SMAD6: variants seen among roughly 807,000 people sequenced by gnomAD.
SMAD6 encodes the protein SMAD family member 6.
A neutral mutation model predicts 39.4 loss-of-function variants in SMAD6; 103 were observed. The observed-to-expected ratio is 2.62, with a 90% CI of 2.23 to 3.08. The LOEUF (loss-of-function observed/expected upper bound fraction) is 3.08, where lower values mean the gene tolerates loss of function less well. Ranked by LOEUF, SMAD6 falls within the 30% of genes most tolerant of loss-of-function variation. The pLI, the probability that SMAD6 is intolerant of heterozygous loss-of-function variation, is 0.00. For missense variants in SMAD6, 1,104 were observed against 742.9 expected, an observed-to-expected ratio of 1.49 and a Z score of -5.65; for synonymous variants, 445 against 353.3, an observed-to-expected ratio of 1.26 and a Z score of -2.91.
At chr15:66,725,620 G>C (rs1281820999) in intron 3 of SMAD6, among the ~76,000 whole-genome samples, 1 of 152,192 alleles carries the variant, frequency 6.6e-6, no homozygotes, top group Non-Finnish European at 1.5e-5. Context: ...TGGGCTGGGA[G>C]GCCTTCCATG....
chr15:66,735,019 G>A lies in SMAD6; in HGVS notation c.952+18521G>A, dbSNP rs144617034. On this transcript the variant is annotated intron_variant, in intron 3 of 3. Transcript: ENST00000288840. Reference sequence around the variant, plus strand: ...CCAGGGTCCCAGCAGAAGGGTGTGCGGGGGCTGTGGCCAGCAGAATAGCCA... The same window carrying A: ...CCAGGGTCCCAGCAGAAGGGTGTGCAGGGGCTGTGGCCAGCAGAATAGCCA... Among the ~76,000 whole-genome samples, 1,267 of 152,330 alleles carry A rather than the reference G, an allele frequency of 8.3e-3. 10 individuals carry two copies. Among genetic ancestry groups the A allele is most frequent in the South Asian group, 0.014 (67 of 4,824 alleles).
chr15:66,727,137 A>G (rs1339293793), intron 3 of SMAD6, among the ~76,000 whole-genome samples: 2 of 145,532 alleles, frequency 1.4e-5, no homozygotes, highest in Non-Finnish European at 1.5e-5. Flanking sequence ...CTCACTCACC[A>G]TGTCACCCAG....
intron 3 of SMAD6, among the ~76,000 whole-genome samples, chr15:66,772,852 C>A (rs1045624353): frequency 6.6e-6 from 1 of 152,188 alleles, no homozygotes; most frequent in East Asian, 1.9e-4. Flanking sequence ...CCAGCTGTGT[C>A]GCTCATTTCC....
intron 3 of SMAD6, among the ~76,000 whole-genome samples, chr15:66,735,483 G>A (rs981160439): frequency 9.9e-5 from 15 of 152,234 alleles, no homozygotes; most frequent in Non-Finnish European, 2.2e-4. Context: ...GATGAAGCAA[G>A]TGTGGCAAAA....
chr15:66,713,347 T>A (rs1893267326), intron 2 of SMAD6, among the ~76,000 whole-genome samples: 1 of 151,990 alleles, frequency 6.6e-6, no homozygotes, highest in South Asian at 2.1e-4. Flanking sequence ...TGAGATGGAG[T>A]CTCGCTCTGT....
At chr15:66,709,878 C>T (rs901938146) in intron 1 of SMAD6, among the ~76,000 whole-genome samples, 2 of 152,250 alleles carry the variant, frequency 1.3e-5, no homozygotes, top group African/African-American at 2.4e-5. Context: ...TCACTCAAGG[C>T]TGGCCTCTAG....
chr15:66,716,263 G>A (rs992645145), intron 2 of SMAD6, among the ~76,000 whole-genome samples, 158 bp from the exon 3 acceptor site: 2 of 152,156 alleles, frequency 1.3e-5, no homozygotes, highest in Non-Finnish European at 2.9e-5. Context: ...TCCTGAGATG[G>A]GGTTACAGGG....
intron 3 of SMAD6, among the ~76,000 whole-genome samples, chr15:66,752,085 A>G (rs1220551538): frequency 7.7e-6 from 1 of 129,632 alleles, no homozygotes; most frequent in Non-Finnish European, 1.6e-5. Context: ...CCAGCTTTTC[A>G]GTTGCTCCTC....
In SMAD6 at chr15:66,781,458, T is replaced by TG. The variant is rs1894573824; in HGVS notation, c.1419dup (p.Pro474AlafsTer91). 1 of 1,603,410 alleles carries TG rather than the reference T, an allele frequency of 6.2e-7. No individual in the cohort carries two copies. Among genetic ancestry groups the TG allele is most frequent in the Admixed American group, 1.7e-5 (1 of 59,598 alleles). Reference sequence around the variant, plus strand: ...CGTCCGCATCAGCTTCGCCAAGGGCTGGGGGCCCTGCTACTCCCGGCAGTT... The same window carrying TG: ...CGTCCGCATCAGCTTCGCCAAGGGCTGGGGGGCCCTGCTACTCCCGGCAGTT... On this transcript the variant is annotated frameshift_variant, in exon 4 of 4. Transcript: ENST00000288840. LOFTEE classifies it high-confidence loss of function.
At chr15:66,753,429 C>A (rs1894042249) in intron 3 of SMAD6, among the ~76,000 whole-genome samples, 1 of 152,238 alleles carries the variant, frequency 6.6e-6, no homozygotes, top group South Asian at 2.1e-4. Flanking sequence ...CTCAGCACTG[C>A]TGCTCTAGGC....
chr15:66,757,477 G>A (rs576171128), intron 3 of SMAD6, among the ~76,000 whole-genome samples: 1 of 152,334 alleles, frequency 6.6e-6, no homozygotes, highest in East Asian at 1.9e-4. Flanking sequence ...GCCCAGAGAT[G>A]GTGTGGGGCT....
intron 1 of SMAD6, chr15:66,707,321 A>C (rs1893135142): frequency 6.6e-6 from 1 of 151,556 alleles, no homozygotes; most frequent in Admixed American, 6.6e-5. Flanking sequence ...ACTATTATCC[A>C]AATTGCGCCC....
At position 66,702,394 on chromosome 15, in the gene SMAD6, C is replaced by T. The variant is rs1256778805; in HGVS notation, c.-865C>T. 6.8e-6 allele frequency: 1 copy of T among 147,642 alleles called. No individual in the cohort carries two copies. The allele number at this position is 147,642 out of a possible 1,614,324, so 9.1% of individuals were successfully genotyped here. ...CCGGGCGCTGCCTCGCCAGACCTCG[C>T]TGGGACCCCGGGGCCACCGGGAGGC... is the stretch of plus-strand genomic sequence containing the variant. On this transcript the variant is annotated 5_prime_UTR_variant, in exon 1 of 4. Transcript: ENST00000288840.
At chr15:66,708,557 G>C in intron 1 of SMAD6, 1 of 358,242 alleles carries the variant, frequency 2.8e-6, no homozygotes, top group Middle Eastern at 3.9e-4. Context: ...ATGAAATATG[G>C]TACGTCCGAA....
chr15:66,774,898 G>C (rs140255467), intron 3 of SMAD6, among the ~76,000 whole-genome samples: 1 of 148,848 alleles, frequency 6.7e-6, no homozygotes, highest in East Asian at 1.9e-4. Flanking sequence ...TTTCGCTCTT[G>C]TTGCCCAGGC....
At chr15:66,776,361 C>T (rs531942153) in intron 3 of SMAD6, among the ~76,000 whole-genome samples, 56 of 152,278 alleles carry the variant, frequency 3.7e-4, no homozygotes, top group African/African-American at 1.3e-3. Flanking sequence ...CTTGATTTTG[C>T]CAGAGTTTCC....
At position 66,728,402 on chromosome 15, in the gene SMAD6, T is replaced by G. The variant is rs1031021326; in HGVS notation, c.952+11904T>G. 4.6e-5 allele frequency among the ~76,000 whole-genome samples: 7 copies of G among 151,340 alleles called. No homozygotes were observed. The East Asian group carries it at 9.7e-4, about 21-fold the overall frequency. On this transcript the variant is annotated intron_variant, in intron 3 of 3. Transcript: ENST00000288840. The stretch of plus-strand genomic sequence containing the variant: ...ATATTCGTGGGATTCATCCTTTTGT[T>G]TTTTTTTTGTTTTTTGTTTTTTGAG...
At chr15:66,729,837 C>G (rs1893593566) in intron 3 of SMAD6, among the ~76,000 whole-genome samples, 1 of 152,160 alleles carries the variant, frequency 6.6e-6, no homozygotes, top group Non-Finnish European at 1.5e-5. Flanking sequence ...TGGTGTGCAT[C>G]AAAGGCGGCA....
chr15:66,751,286 G>A (rs1894002073), intron 3 of SMAD6, among the ~76,000 whole-genome samples: 1 of 152,128 alleles, frequency 6.6e-6, no homozygotes, highest in Non-Finnish European at 1.5e-5. Flanking sequence ...TCCCAGCTCG[G>A]CCTCTTGGTA....
Sources: gnomAD v4.1 joint callset for allele counts (sites outside exome capture counted in the v4.1 genomes callset) on GRCh38, gnomAD v4.1.1 for gene constraint, MANE v1.5 for transcripts, NCBI Gene and HGNC (gene_info 2026-07-23, HGNC 2026-07-21) for gene names.